Variants in BTG4 observed in about 807,000 individuals in gnomAD.
The protein encoded by BTG4 is protein BTG4.
In BTG4, 10 loss-of-function variants were observed where a neutral mutation model predicts 19.3. That is an observed-to-expected ratio of 0.52 (90% CI 0.32 to 0.88). The LOEUF is 0.88. BTG4 is among the 40% of genes least tolerant of loss of function. The pLI, the probability that BTG4 is intolerant of heterozygous loss-of-function variation, is 0.04. For synonymous variants in BTG4, 91 were observed against 95.7 expected, an observed-to-expected ratio of 0.95 and a Z score of 0.29; for missense variants, 238 against 281.9, an observed-to-expected ratio of 0.84 and a Z score of 1.11.
chr11:111,498,270 C>T (rs895345211), intron 2 of BTG4, 135 bp from the exon 3 acceptor site: 21 of 925,870 alleles, frequency 2.3e-5, no homozygotes, highest in Non-Finnish European at 3.3e-5. Flanking sequence ...GCCTCCTCCA[C>T]CCTCCACTCT....
the BTG4 span, among the ~76,000 whole-genome samples, chr11:111,410,559 T>C: frequency 4.4e-3 from 666 of 152,322 alleles, 4 homozygotes; most frequent in African/African-American, 0.014. Context: ...AGAGATAGCA[T>C]GCAATGAGTA....
At chr11:111,412,409 A>G in the BTG4 span, among the ~76,000 whole-genome samples, 1 of 152,204 alleles carries the variant, frequency 6.6e-6, no homozygotes, top group African/African-American at 2.4e-5. Flanking sequence ...AGCTTAAAAG[A>G]TGTCCCATAA....
chr11:111,498,233 C>T (rs1228879104), intron 2 of BTG4, 98 bp from the exon 3 acceptor site: 14 of 1,349,078 alleles, frequency 1.0e-5, no homozygotes, highest in Non-Finnish European at 1.3e-5. Context: ...TAGCTCCCAC[C>T]TCATCCCCTC....
chr11:111,404,298 A>G, the BTG4 span, among the ~76,000 whole-genome samples: 1 of 152,198 alleles, frequency 6.6e-6, no homozygotes, highest in South Asian at 2.1e-4. Flanking sequence ...TGTCTTTATC[A>G]GCAGCATGAA....
chr11:111,497,503 A>T (rs985382948), intron 3 of BTG4, 94 bp from the exon 4 acceptor site: 6 of 808,744 alleles, frequency 7.4e-6, no homozygotes, highest in Non-Finnish European at 8.7e-6. Context: ...ACTTATTTTA[A>T]AAGAAATTGC....
rs143947768 is a variant in BTG4, at chr11:111,481,434, G to C, written c.662+13729C>G. 7.0e-3 allele frequency among the ~76,000 whole-genome samples: 1,064 copies of C among 151,732 alleles called. 16 individuals are homozygous for C. The highest frequency in any genetic ancestry group is 0.025 in the African/African-American group (1,023 of 41,464). On this transcript the variant is annotated intron_variant, in intron 5 of 5. Coordinates refer to the BTG4 transcript ENST00000356018. ...AGCATTACATTCTGATCTACTTTAT[G>C]AAGTGTTTACAGTATGTATATAATA... is the stretch of plus-strand genomic sequence containing the variant.
chr11:111,404,322 A>C, the BTG4 span, among the ~76,000 whole-genome samples: 3 of 152,206 alleles, frequency 2.0e-5, no homozygotes, highest in African/African-American at 7.2e-5. Context: ...GGACTAATAC[A>C]TCCATTTTAT....
the BTG4 span, among the ~76,000 whole-genome samples, chr11:111,398,823 C>T: frequency 7.2e-5 from 11 of 151,882 alleles, no homozygotes; most frequent in East Asian, 2.1e-3. Flanking sequence ...TGAATGGGGC[C>T]CAGTCTTCTA....
At chr11:111,455,222 C>G in the BTG4 span, 2 of 361,360 alleles carry the variant, frequency 5.5e-6, no homozygotes, top group Non-Finnish European at 1.1e-5. Context: ...CTCTTACCTA[C>G]AGTTCCCACC....
At chr11:111,407,060 C>A in the BTG4 span, among the ~76,000 whole-genome samples, 3 of 151,928 alleles carry the variant, frequency 2.0e-5, no homozygotes, top group East Asian at 5.8e-4. Context: ...GCATATAAAG[C>A]TCATAAAACA....
At chr11:111,445,051 G>C in the BTG4 span, among the ~76,000 whole-genome samples, 2 of 152,328 alleles carry the variant, frequency 1.3e-5, no homozygotes, top group East Asian at 1.9e-4. Context: ...GCGAAGAAGA[G>C]AGATGGGGAG....
chr11:111,454,513 G>A, the BTG4 span, among the ~76,000 whole-genome samples: 2 of 152,144 alleles, frequency 1.3e-5, no homozygotes, highest in South Asian at 2.1e-4. Flanking sequence ...GAGAGTATAT[G>A]GGAAGGGGAG....
the BTG4 span, chr11:111,449,503 T>A: frequency 6.6e-6 from 1 of 152,342 alleles, no homozygotes; most frequent in Admixed American, 6.5e-5. Flanking sequence ...GGTAGGAGAA[T>A]GCCCATCTAT....
chr11:111,510,681 G>A (rs758786350), intron 1 of BTG4, among the ~76,000 whole-genome samples: 1 of 150,754 alleles, frequency 6.6e-6, no homozygotes, highest in African/African-American at 2.4e-5. Context: ...ATTTTTTGTC[G>A]TTATTTAAAT....
the BTG4 span, among the ~76,000 whole-genome samples, chr11:111,409,819 G>A: frequency 2.6e-5 from 4 of 151,534 alleles, no homozygotes; most frequent in Non-Finnish European, 5.9e-5. Context: ...TGCTATAGTA[G>A]GAAAAAAAGC....
the BTG4 span, among the ~76,000 whole-genome samples, chr11:111,420,282 C>T: frequency 0.92 from 140,209 of 152,272 alleles, 64,894 homozygotes; most frequent in East Asian, 1. Context: ...TGCTCTTCAA[C>T]CTCATCCTGA....
the BTG4 span, among the ~76,000 whole-genome samples, chr11:111,393,925 A>T: frequency 6.6e-6 from 1 of 152,244 alleles, no homozygotes; most frequent in African/African-American, 2.4e-5. Context: ...CTGGGTTCAA[A>T]TCTCAGGTCT....
At chr11:111,506,506 AC>A (rs1337306564) in intron 1 of BTG4, among the ~76,000 whole-genome samples, 2 of 152,068 alleles carry the variant, frequency 1.3e-5, no homozygotes, top group African/African-American at 4.8e-5. Context: ...TTGAAAAATT[AC>A]CTACTGGATA....
At chr11:111,420,298 C>T in the BTG4 span, among the ~76,000 whole-genome samples, 1 of 152,178 alleles carries the variant, frequency 6.6e-6, no homozygotes, top group Admixed American at 6.5e-5. Context: ...CCTGAAATTG[C>T]ATCCACAGCA....
Sources: allele counts gnomAD v4.1 joint callset (sites outside exome capture counted in the v4.1 genomes callset), GRCh38; gene constraint gnomAD v4.1.1; transcripts MANE v1.5; gene names NCBI Gene and HGNC (gene_info 2026-07-23, HGNC 2026-07-21).